HPSE2: variants seen among roughly 807,000 people sequenced by gnomAD.
HPSE2 encodes inactive heparanase-2.
In HPSE2, 38 loss-of-function variants were observed where a neutral mutation model predicts 60.5. The ratio of observed to expected loss-of-function variants is 0.63; its 90% confidence interval spans 0.48 to 0.82. The LOEUF (loss-of-function observed/expected upper bound fraction) is 0.82. Ranked by LOEUF, HPSE2 falls within the 40% of genes least tolerant of loss-of-function variation. The pLI is 0.00. For missense variants in HPSE2, 713 were observed against 740.4 expected (o/e 0.96, Z 0.43); for synonymous variants, 295 against 293.2 (o/e 1.01, Z -0.06).
At chr10:99,274,269 C>T in the HPSE2 span, among the ~76,000 whole-genome samples, 1 of 152,146 alleles carries the variant, frequency 6.6e-6, no homozygotes, top group African/African-American at 2.4e-5. Context: ...ATCGTTTGAA[C>T]CTGGGAGACG....
At chr10:98,747,036 C>T (rs1949646323) in intron 3 of HPSE2, among the ~76,000 whole-genome samples, 1 of 151,678 alleles carries the variant, frequency 6.6e-6, no homozygotes, top group Admixed American at 6.6e-5. Context: ...AACTTTTATC[C>T]AGAAGTTTCC....
At chr10:98,559,218 G>C (rs1944101093) in intron 9 of HPSE2, among the ~76,000 whole-genome samples, 1 of 152,118 alleles carries the variant, frequency 6.6e-6, no homozygotes, top group African/African-American at 2.4e-5. Flanking sequence ...AGTAGAGATG[G>C]GGTTTCACCA....
At chr10:98,950,418 T>C (rs1412608421) in intron 3 of HPSE2, among the ~76,000 whole-genome samples, 1 of 152,164 alleles carries the variant, frequency 6.6e-6, no homozygotes, top group Non-Finnish European at 1.5e-5. Context: ...TAATAATGTA[T>C]TTCACAATCC....
At chr10:98,960,740 ATT>A (rs63389761) in intron 3 of HPSE2, among the ~76,000 whole-genome samples, 13 of 95,920 alleles carry the variant, frequency 1.4e-4, no homozygotes, top group East Asian at 6.2e-4. Context: ...TTTTTATTTT[ATT>A]TTTTTTTTTA....
Position 99,231,820 on chromosome 10 carries a change from G to A in HPSE2, c.448+528C>T, listed in dbSNP as rs539783195. On this transcript the variant is annotated intron_variant, in intron 2 of 11. Transcript: ENST00000370552. ...ATTATTCCAGAAAACTTTAGAGTGG[G>A]TTTCAAAAACGGCTGAATTCCTTCT... is the stretch of plus-strand genomic sequence containing the variant. Among the ~76,000 whole-genome samples, 3 of 152,300 alleles carry A rather than the reference G, an allele frequency of 2.0e-5. No individual in the cohort carries two copies. The South Asian group carries it at 6.2e-4, about 32-fold the overall frequency.
chr10:98,489,798 G>A (rs1011672624), intron 10 of HPSE2, among the ~76,000 whole-genome samples: 2 of 152,202 alleles, frequency 1.3e-5, no homozygotes, highest in East Asian at 1.9e-4. Flanking sequence ...GGATGAATAA[G>A]TAAATGAACA....
chr10:98,797,731 C>A (rs1950810200), intron 3 of HPSE2, among the ~76,000 whole-genome samples: 1 of 152,008 alleles, frequency 6.6e-6, no homozygotes, highest in East Asian at 1.9e-4. Context: ...GTAGTCCCAG[C>A]TACTCGGGAG....
At chr10:98,723,879 C>G (rs369462999) in intron 4 of HPSE2, among the ~76,000 whole-genome samples, 1 of 151,818 alleles carries the variant, frequency 6.6e-6, no homozygotes, top group African/African-American at 2.4e-5. Context: ...GTCTTGCTAG[C>G]GGTCTATCAA....
At chr10:98,558,013 T>C (rs559997837) in intron 9 of HPSE2, among the ~76,000 whole-genome samples, 76 of 152,166 alleles carry the variant, frequency 5.0e-4, no homozygotes, top group African/African-American at 1.8e-3. Flanking sequence ...TAAAAGTAAC[T>C]ATCCAAATGG....
intron 7 of HPSE2, among the ~76,000 whole-genome samples, chr10:98,621,833 T>C (rs1317277364): frequency 6.6e-6 from 1 of 152,224 alleles, no homozygotes; most frequent in East Asian, 1.9e-4. Context: ...AGTGAGGTAC[T>C]ACGTAGTACA....
rs1483653598 is a variant in HPSE2, at chr10:98,743,936, A to G, written c.731T>C (p.Leu244Pro). 1 of 1,613,972 alleles carries G rather than the reference A, an allele frequency of 6.2e-7. No individual in the cohort carries two copies. Among genetic ancestry groups the G allele is most frequent in the Non-Finnish European group, 8.5e-7 (1 of 1,179,956 alleles). Residue 244 changes from leucine (L) to proline (P), a missense_variant, in exon 4 of 12, where the codon CTG becomes CCG. By Grantham distance (98) the Leu-to-Pro change is moderately conservative (BLOSUM62 -3). Transcript: ENST00000370552. ...NSWNSSSALSLLKYSASKKYN... is the reference protein window; with the variant it reads ...NSWNSSSALSPLKYSASKKYN... Reference sequence around the variant, plus strand: ...CTTTTTGCTGGCGCTGTACTTCAACAGACTCAGGGCACTAGAACTGTTCCA... The same window carrying G: ...CTTTTTGCTGGCGCTGTACTTCAACGGACTCAGGGCACTAGAACTGTTCCA...
At chr10:98,570,711 C>A (rs1046365632) in intron 9 of HPSE2, among the ~76,000 whole-genome samples, 1 of 152,118 alleles carries the variant, frequency 6.6e-6, no homozygotes, top group Non-Finnish European at 1.5e-5. Flanking sequence ...CCATTTTCTA[C>A]AAATGAGACC....
chr10:98,510,640 C>T (rs1942358528), intron 9 of HPSE2, among the ~76,000 whole-genome samples: 1 of 152,322 alleles, frequency 6.6e-6, no homozygotes, highest in East Asian at 1.9e-4. Flanking sequence ...TGGCCCTGGA[C>T]TCTGACCCTA....
At chr10:99,249,604 TAA>T in the HPSE2 span, among the ~76,000 whole-genome samples, 3 of 152,184 alleles carry the variant, frequency 2.0e-5, no homozygotes, top group African/African-American at 7.2e-5. Flanking sequence ...TGAAATGAGT[TAA>T]GACTTGGGAG....
At chr10:99,059,062 C>T (rs976886724) in intron 3 of HPSE2, among the ~76,000 whole-genome samples, 5 of 152,188 alleles carry the variant, frequency 3.3e-5, no homozygotes, top group African/African-American at 1.2e-4. Context: ...ATACTTTTCA[C>T]ATGTCATGAA....
chr10:99,148,821 C>CAATA (rs1193686459), intron 2 of HPSE2, among the ~76,000 whole-genome samples: 2 of 135,650 alleles, frequency 1.5e-5, no homozygotes, highest in African/African-American at 5.2e-5. Context: ...ATCAATCAAT[C>CAATA]AATAAAATAG....
intron 3 of HPSE2, among the ~76,000 whole-genome samples, chr10:98,997,288 T>C (rs910643681): frequency 3.3e-5 from 5 of 151,892 alleles, no homozygotes; most frequent in Non-Finnish European, 4.4e-5. Flanking sequence ...AATTTTTTTT[T>C]TCTATTTTTA....
intron 3 of HPSE2, among the ~76,000 whole-genome samples, chr10:99,129,253 A>T (rs914542812): frequency 6.6e-6 from 1 of 152,286 alleles, no homozygotes; most frequent in African/African-American, 2.4e-5. Flanking sequence ...ACAAAGAAAC[A>T]AGGGACTTAA....
At chr10:99,289,355 GT>G in the HPSE2 span, among the ~76,000 whole-genome samples, 131,170 of 150,852 alleles carry the variant, frequency 0.87, 57,203 homozygotes, top group African/African-American at 0.94. Context: ...GACATCATCT[GT>G]TTTTTTTTTG....
Sources: gnomAD v4.1 joint callset for allele counts (sites outside exome capture counted in the v4.1 genomes callset) on GRCh38, gnomAD v4.1.1 for gene constraint, MANE v1.5 for transcripts, NCBI Gene and HGNC (gene_info 2026-07-23, HGNC 2026-07-21) for gene names.